The following SYNC variants were observed in gnomAD, a reference collection of about 807,000 sequenced individuals.
SYNC encodes the protein syncoilin, intermediate filament protein, also known as syncoilin.
SYNC carries 38 observed loss-of-function variants against 49.5 expected under a neutral mutation model. That is an observed-to-expected ratio of 0.77 (90% CI 0.59 to 1.01). The LOEUF (loss-of-function observed/expected upper bound fraction) is 1.01. SYNC is among the 50% of genes least tolerant of loss of function. SYNC has a pLI of 0.00. For missense variants in SYNC, 579 were observed against 580.6 expected (o/e 1.00, Z 0.03); for synonymous variants, 201 against 230.8 (o/e 0.87, Z 1.17).
chr1:32,698,906 G>GGGTA (rs1440554195), intron 1 of SYNC, among the ~76,000 whole-genome samples: 1 of 150,504 alleles, frequency 6.6e-6, no homozygotes, highest in Non-Finnish European at 1.5e-5. Flanking sequence ...TCAGCCTCCC[G>GGGTA]GGTAGCCAGG....
rs1337484375 is a variant in SYNC, at chr1:32,681,382, A to G, written c.*468T>C. On this transcript the variant is annotated 3_prime_UTR_variant, in exon 5 of 5. Coordinates refer to ENST00000409190, the MANE Select transcript of SYNC (RefSeq NM_030786.3). Reference sequence around the variant, plus strand: ...TAAAAGTATTCATTTAAATTCTAACACTCGTGGCACAAAAGAATGGAAATT... The same window carrying G: ...TAAAAGTATTCATTTAAATTCTAACGCTCGTGGCACAAAAGAATGGAAATT... The G allele has an allele frequency of 1.3e-5, 2 of 159,710 alleles. No individual in the cohort carries two copies. Among genetic ancestry groups the G allele is most frequent in the African/African-American group, 4.8e-5 (2 of 41,662 alleles). The allele number at this position is 159,710 out of a possible 1,614,324, so 9.9% of individuals were successfully genotyped here. A position where few individuals can be genotyped will look rare whatever the true frequency, so the allele number is the denominator to read the frequency against.
chr1:32,688,447 A>G (rs1029640066), intron 2 of SYNC, among the ~76,000 whole-genome samples: 8 of 152,134 alleles, frequency 5.3e-5, no homozygotes. Flanking sequence ...ACAGTGCCTT[A>G]TCACTACAGC....
intron 1 of SYNC, 92 bp from the exon 2 acceptor site, chr1:32,696,136 G>T: frequency 9.5e-7 from 1 of 1,056,984 alleles, no homozygotes; most frequent in Non-Finnish European, 1.3e-6. Flanking sequence ...GACTACCTCA[G>T]GTTCTTAGAT....
Position 32,680,511 on chromosome 1 carries a change from G to A in SYNC, c.*1339C>T. On this transcript the variant is annotated 3_prime_UTR_variant, in exon 5 of 5. Coordinates refer to ENST00000409190, the MANE Select transcript of SYNC (RefSeq NM_030786.3). ...ATTAAATTAATCCTTGATAAGAGTT[G>A]CTTTTTTTTTTTAGGAGTTAGTCCT... 1 of 1,535,106 alleles carries A rather than the reference G, an allele frequency of 6.5e-7. No individual in the cohort carries two copies. Among genetic ancestry groups the A allele is most frequent in the Non-Finnish European group, 8.8e-7 (1 of 1,140,812 alleles).
At chr1:32,702,784 C>T, upstream of SYNC, 1 of 839,390 alleles carries the variant, frequency 1.2e-6, no homozygotes, top group Non-Finnish European at 1.5e-6. This position sits in a 1 kb window ranked among gnomAD's most constrained non-coding sequence, Gnocchi z 6.2. Context: ...CGGCCCCGGG[C>T]CGGGCGCGCC....
At chr1:32,683,012 G>A (rs1230647144) in intron 4 of SYNC, 1 of 152,002 alleles carries the variant, frequency 6.6e-6, no homozygotes, top group East Asian at 1.9e-4. Flanking sequence ...GGCCAAGCAT[G>A]GTGGCTCACA....
In SYNC at chr1:32,691,313, T is replaced by A. The variant is rs368583129; in HGVS notation, c.1233+3552A>T. Among the ~76,000 whole-genome samples, 43 of 151,504 alleles carry A rather than the reference T, an allele frequency of 2.8e-4. No homozygotes were observed. The South Asian group carries it at 6.3e-3, about 22-fold the overall frequency. On this transcript the variant is annotated intron_variant, in intron 2 of 4. Coordinates refer to ENST00000409190, the MANE Select transcript of SYNC (RefSeq NM_030786.3). Reference sequence around the variant, plus strand: ...GGGAGGCTGAGGCAGGAGAACTGCTTGAACCCGGGAGGTAGAGGTTGCAAT... The same window carrying A: ...GGGAGGCTGAGGCAGGAGAACTGCTAGAACCCGGGAGGTAGAGGTTGCAAT...
Position 32,695,556 on chromosome 1 carries a change from T to A in SYNC, c.542A>T (p.Gln181Leu). The A allele has an allele frequency of 6.4e-7, 1 of 1,551,468 alleles. No homozygotes were observed. The highest frequency in any genetic ancestry group is 1.4e-5 in the African/African-American group (1 of 73,056). ...DLELLEGRFQ[Q>L]CVQAVAQLEE... Reference sequence around the variant, plus strand: ...CAGCTGGGCCACAGCTTGGACACACTGCTGGAAACGCCCCTCTAGCAATTC... The same window carrying A: ...CAGCTGGGCCACAGCTTGGACACACAGCTGGAAACGCCCCTCTAGCAATTC... Residue 181 changes from glutamine (Q) to leucine (L), a missense_variant, in exon 2 of 5, where the codon CAG becomes CTG. Gln to Leu is a moderately radical substitution (Grantham distance 113, BLOSUM62 -2). Coordinates refer to ENST00000409190, the MANE Select transcript of SYNC (RefSeq NM_030786.3).
At position 32,681,740 on chromosome 1, in the gene SYNC, A is replaced by G. The variant is rs1246958327; in HGVS notation, c.*110T>C. The G allele has an allele frequency of 3.8e-6, 6 of 1,580,596 alleles. No homozygotes were observed. Among genetic ancestry groups the G allele is most frequent in the Non-Finnish European group, 5.2e-6 (6 of 1,152,234 alleles). ...ACTTCCACAGGATGAATTGCTTGCC[A>G]AGTTTCTGGCACTCTTGTCTGGTTG... On this transcript the variant is annotated 3_prime_UTR_variant, in exon 5 of 5. Transcript: ENST00000409190.
chr1:32,686,316 C>T (rs1369915942), intron 2 of SYNC: 1 of 152,184 alleles, frequency 6.6e-6, no homozygotes, highest in South Asian at 2.1e-4. Context: ...CAACTCAGAT[C>T]TGTGTGCCTG....
intron 1 of SYNC, among the ~76,000 whole-genome samples, chr1:32,698,214 CAAAAAAAAA>C (rs149634173): frequency 1.7e-5 from 2 of 119,868 alleles, no homozygotes; most frequent in African/African-American, 3.3e-5. Flanking sequence ...GACTCCATCT[CAAAAAAAAA>C]AAAAAAAAAA....
At position 32,681,941 on chromosome 1, in the gene SYNC, A is replaced by G. The variant is rs369927201; in HGVS notation, c.1439-81T>C. ...CAGGCTTTGTTGAGAAGAGATTGTT[A>G]CAGTGTGATTTATGGATGATCAGGG... On this transcript the variant is annotated intron_variant, in intron 4 of 4. Transcript: ENST00000409190. 399 of 1,298,966 alleles carry G rather than the reference A, an allele frequency of 3.1e-4. 1 individual carries two copies. Among genetic ancestry groups the G allele is most frequent in the Admixed American group, 4.1e-4 (24 of 58,058 alleles). The allele number at this position is 1,298,966 out of a possible 1,614,324, so 80.5% of individuals were successfully genotyped here.
chr1:32,684,423 A>AT (rs1649675230), intron 2 of SYNC, 41 bp from the exon 3 acceptor site: 2 of 1,612,796 alleles, frequency 1.2e-6, no homozygotes, highest in African/African-American at 2.7e-5. Flanking sequence ...GAGCCAAACA[A>AT]TAAAAACTCA....
At chr1:32,682,807 GA>G (rs1304564430) in intron 4 of SYNC, 2 of 152,028 alleles carry the variant, frequency 1.3e-5, no homozygotes, top group African/African-American at 4.8e-5. Context: ...GTAAGCTTAG[GA>G]AATGAATAAA....
intron 4 of SYNC, 134 bp downstream of exon 4, chr1:32,683,876 A>C (rs1253684754): frequency 1.1e-5 from 9 of 794,414 alleles, no homozygotes; most frequent in Non-Finnish European, 1.8e-5. Flanking sequence ...CAGGTGATCC[A>C]CCCTCCTCAG....
At chr1:32,687,851 T>TATC (rs1649947517) in intron 2 of SYNC, among the ~76,000 whole-genome samples, 1 of 31,258 alleles carries the variant, frequency 3.2e-5, no homozygotes, top group Non-Finnish European at 2.6e-4. Context: ...TTATTATTAT[T>TATC]ATTATTATTA....
chr1:32,680,664 A>T lies in SYNC; in HGVS notation c.*1186T>A. 1.1e-6 allele frequency: 1 copy of T among 952,072 alleles called. No homozygotes were observed. The highest frequency in any genetic ancestry group is 2.7e-5 in the East Asian group (1 of 37,104). The allele number at this position is 952,072 out of a possible 1,614,324, so 59.0% of individuals were successfully genotyped here. ...TGCTTTTCTACATAACCCCATGCTG[A>T]TGGGTTTTATTTAGTATAAAACATC... is the stretch of plus-strand genomic sequence containing the variant. On this transcript the variant is annotated 3_prime_UTR_variant, in exon 5 of 5. Transcript: ENST00000409190.
Position 32,695,567 on chromosome 1 carries a change from C to A in SYNC, c.531G>T (p.Gly177=). 3 of 1,551,574 alleles carry A rather than the reference C, an allele frequency of 1.9e-6. No individual in the cohort carries two copies. In the South Asian group the frequency reaches 3.6e-5, roughly 18 times the overall value. ...LSIEDLELLE[G]RFQQCVQAVA... is the part of the protein sequence containing the mutation. ...CAGCTTGGACACACTGCTGGAAACG[C>A]CCCTCTAGCAATTCCAGGTCCTCTA... The change falls in exon 2 of 5, where the codon GGG becomes GGT. Residue 177 remains glycine (G), a synonymous_variant. Transcript: ENST00000409190.
chr1:32,680,374 T>TAA lies in SYNC; in HGVS notation c.*1475_*1476insTT. 1 of 1,148,448 alleles carries TAA rather than the reference T, an allele frequency of 8.7e-7. No homozygotes were observed. Among genetic ancestry groups the TAA allele is most frequent in the South Asian group, 3.9e-5 (1 of 25,902 alleles). The allele number at this position is 1,148,448 out of a possible 1,614,324, so 71.1% of individuals were successfully genotyped here. A position where few individuals can be genotyped will look rare whatever the true frequency, so the allele number is the denominator to read the frequency against. ...TGTTGTTGGTTTTTTTTTTTTTTTT[T>TAA]TTAACTTGGGACCACCAAGTTGTAA... On this transcript the variant is annotated 3_prime_UTR_variant, in exon 5 of 5. Transcript: ENST00000409190.
Sources: allele counts gnomAD v4.1 joint callset (sites outside exome capture counted in the v4.1 genomes callset), GRCh38; gene constraint gnomAD v4.1.1; non-coding constraint Gnocchi (gnomAD v3.1); transcripts MANE v1.5; gene names NCBI Gene and HGNC (gene_info 2026-07-23, HGNC 2026-07-21).